LCK: variants seen among roughly 807,000 people sequenced by gnomAD.
LCK encodes tyrosine-protein kinase Lck.
LCK carries 14 observed loss-of-function variants against 64.6 expected under a neutral mutation model. The ratio of observed to expected loss-of-function variants is 0.22; its 90% CI spans 0.14 to 0.34. The LOEUF (loss-of-function observed/expected upper bound fraction) is 0.34, where lower values mean the gene tolerates loss of function less well. LCK is among the 10% of genes least tolerant of loss of function. The pLI is 1.00. For synonymous variants in LCK, 277 were observed against 263.6 expected, an observed-to-expected ratio of 1.05 and a Z score of -0.49; for missense variants, 434 against 668.1, an observed-to-expected ratio of 0.65 and a Z score of 3.86.
intron 1 of LCK, among the ~76,000 whole-genome samples, chr1:32,266,743 CCTCTT>C (rs1252050374): frequency 3.3e-5 from 1 of 30,554 alleles, no homozygotes; most frequent in African/African-American, 2.0e-4. Flanking sequence ...TCCTCCCCCT[CCTCTT>C]CCCCCTCCTC....
chr1:32,275,016 A>G lies in LCK; in HGVS notation c.211A>G (p.Ser71Gly), dbSNP rs1435317417. ...LQDNLVIALHSYEPSHDGDLG... is the reference protein window; with the variant it reads ...LQDNLVIALHGYEPSHDGDLG... ...AGACAACCTGGTTATCGCTCTGCAC[A>G]GCTATGAGCCCTCTCACGACGGAGA... Residue 71 changes from serine (S) to glycine (G), a missense_variant, in exon 4 of 13, where the codon AGC (serine) becomes GGC (glycine). By Grantham distance (56) the Ser-to-Gly change is moderately conservative. Coordinates refer to ENST00000336890, the MANE Select transcript of LCK (RefSeq NM_005356.5). This position sits in a 1 kb window ranked among gnomAD's most constrained non-coding sequence, Gnocchi z 6.9. The G allele has an allele frequency of 6.2e-7, 1 of 1,614,088 alleles. No homozygotes were observed. Among genetic ancestry groups the G allele is most frequent in the East Asian group, 2.2e-5 (1 of 44,898 alleles).
In LCK at chr1:32,265,197, A is replaced by G. The variant is rs936142576; in HGVS notation, c.-5-9128A>G. Among the ~76,000 whole-genome samples the G allele has an allele frequency of 7.9e-5, 12 of 151,932 alleles. No individual in the cohort carries two copies. In the South Asian group the frequency reaches 2.5e-3, roughly 32 times the overall value. On this transcript the variant is annotated intron_variant, in intron 1 of 12. Coordinates refer to ENST00000336890, the MANE Select transcript of LCK (RefSeq NM_005356.5). ...GACTTTGTCTCAAAAAAAAAAAAAA[A>G]TGTAATCAGCGATTTAATTAAGTAT...
rs35029770 is a variant in LCK, at chr1:32,276,710, A to G, written c.888A>G (p.Gln296=). The G allele has an allele frequency of 1.2e-3, 1,885 of 1,614,084 alleles. 18 individuals carry two copies. The African/African-American group carries it at 0.023, about 20-fold the overall frequency. Reference sequence around the variant, plus strand: ...AGGCCAACCTCATGAAGCAGCTGCAACACCAGCGGCTGGTTCGGCTCTACG... The same window carrying G: ...AGGCCAACCTCATGAAGCAGCTGCAGCACCAGCGGCTGGTTCGGCTCTACG... The part of the protein sequence containing the change: ...LAEANLMKQL[Q]HQRLVRLYAV... Residue 296 remains glutamine (Q), a synonymous_variant, in exon 9 of 13, where the codon CAA becomes CAG. Coordinates refer to ENST00000336890, the MANE Select transcript of LCK (RefSeq NM_005356.5). This position sits in a 1 kb window ranked among gnomAD's most constrained non-coding sequence, Gnocchi z 4.6.
intron 1 of LCK, 125 bp from the exon 2 acceptor site, chr1:32,274,200 G>C: frequency 1.3e-6 from 2 of 1,534,884 alleles, no homozygotes; most frequent in Admixed American, 4.0e-5. Context: ...GCTGGTGAAT[G>C]GGGATCCCAG....
chr1:32,279,935 A>C lies in LCK; in HGVS notation c.1136A>C (p.Lys379Thr). The change falls in exon 11 of 13, where the codon AAG becomes ACG. Residue 379 changes from lysine to threonine, a missense_variant. By Grantham distance (78) the Lys-to-Thr change is moderately conservative. Around this residue, in one of 2 missense-constraint regions of LCK, gnomAD observed 201 missense variants for 376.9 expected, o/e 0.53. Coordinates refer to ENST00000336890, the MANE Select transcript of LCK (RefSeq NM_005356.5). ...CTGGTGTCTGACACCCTGAGCTGCA[A>C]GATTGCAGACTTTGGCCTAGCACGC... is the stretch of plus-strand genomic sequence containing the variant. Reference protein sequence around the residue: ...NILVSDTLSCKIADFGLARLI... With the variant: ...NILVSDTLSCTIADFGLARLI... 6.2e-7 allele frequency: 1 copy of C among 1,614,196 alleles called. No individual in the cohort carries two copies. The highest frequency in any genetic ancestry group is 1.1e-5 in the South Asian group (1 of 91,084).
In LCK at chr1:32,276,365, G is replaced by A; in HGVS notation, c.660G>A (p.Leu220=). The change falls in exon 8 of 13, where the codon TTG becomes TTA. Residue 220 remains leucine (L), a synonymous_variant. Transcript: ENST00000336890. The surrounding 1 kb of genome is among the most constrained non-coding windows in gnomAD (Gnocchi z 4.6). ...TNASDGLCTR[L]SRPCQTQKPQ... The stretch of plus-strand genomic sequence containing the variant: ...CTTCAGATGGGCTGTGCACACGGTT[G>A]AGCCGCCCCTGCCAGACCCAGAAGC... The A allele has an allele frequency of 6.2e-7, 1 of 1,609,690 alleles. No homozygotes were observed. Among genetic ancestry groups the A allele is most frequent in the Non-Finnish European group, 8.5e-7 (1 of 1,178,938 alleles).
At chr1:32,278,862 T>C (rs998230284) in intron 9 of LCK, among the ~76,000 whole-genome samples, 42 of 152,154 alleles carry the variant, frequency 2.8e-4, no homozygotes, top group Non-Finnish European at 1.9e-4. Context: ...GCTGTCATCC[T>C]TTTACAGGGT....
chr1:32,272,659 G>A (rs548339027), intron 1 of LCK, among the ~76,000 whole-genome samples: 1 of 150,386 alleles, frequency 6.6e-6, no homozygotes, highest in Non-Finnish European at 1.5e-5. Flanking sequence ...GCGAGAGAGC[G>A]CACGCATTTC....
In LCK at chr1:32,275,270, G is replaced by T. The variant is rs373949317; in HGVS notation, c.279-51G>T. 5 of 1,582,002 alleles carry T rather than the reference G, an allele frequency of 3.2e-6. 1 individual carries two copies. In the Middle Eastern group the frequency reaches 5.1e-4, roughly 162 times the overall value. ...GGGGTGGAGGGGTCTTTGAGGGAGGGTCTCAGGTCGACGGCTGAGCGAGCC... is the reference window on the plus strand; with the variant it reads ...GGGGTGGAGGGGTCTTTGAGGGAGGTTCTCAGGTCGACGGCTGAGCGAGCC... On this transcript the variant is annotated intron_variant, in intron 4 of 12. Coordinates refer to ENST00000336890, the MANE Select transcript of LCK (RefSeq NM_005356.5). The surrounding 1 kb of genome is among the most constrained non-coding windows in gnomAD (Gnocchi z 6.9).
chr1:32,254,316 C>T (rs1446607018), intron 1 of LCK, among the ~76,000 whole-genome samples: 3 of 151,976 alleles, frequency 2.0e-5, no homozygotes, highest in South Asian at 2.1e-4. Flanking sequence ...GTCAGGAGTT[C>T]GAAACCAGCC....
At chr1:32,259,990 C>T (rs1272341272) in intron 1 of LCK, among the ~76,000 whole-genome samples, 1 of 151,498 alleles carries the variant, frequency 6.6e-6, no homozygotes, top group East Asian at 1.9e-4. Context: ...GGGGCAAAGG[C>T]GAAGAAAATG....
chr1:32,275,784 G>A lies in LCK; in HGVS notation c.481+112G>A, dbSNP rs912184656. The A allele has an allele frequency of 4.2e-5, 59 of 1,408,610 alleles. No individual in the cohort carries two copies. The highest frequency in any genetic ancestry group is 5.7e-5 in the African/African-American group (4 of 70,478). 87.3% of individuals were successfully genotyped at this position (1,408,610 alleles called of 1,614,324 possible). ...CGGGGTGAGTCGGAGGGGGACGCGG[G>A]ATGAGCCCGAGGTGGGGGCGCGGGA... On this transcript the variant is annotated intron_variant, in intron 6 of 12. Coordinates refer to ENST00000336890, the MANE Select transcript of LCK (RefSeq NM_005356.5). The surrounding 1 kb of genome is among the most constrained non-coding windows in gnomAD (Gnocchi z 6.9).
intron 12 of LCK, among the ~76,000 whole-genome samples, chr1:32,284,345 AAT>A (rs1372531378): frequency 6.8e-6 from 1 of 147,334 alleles, no homozygotes; most frequent in African/African-American, 2.5e-5. Context: ...TATATATAAT[AAT>A]ATATATATTA....
intron 1 of LCK, among the ~76,000 whole-genome samples, chr1:32,258,973 A>G (rs969188959): frequency 2.0e-5 from 3 of 151,514 alleles, no homozygotes; most frequent in Non-Finnish European, 4.4e-5. Context: ...GCAGTGAGCC[A>G]TGATTGTGTC....
At chr1:32,272,227 GA>G (rs36045049) in intron 1 of LCK, among the ~76,000 whole-genome samples, 78,908 of 146,376 alleles carry the variant, frequency 0.54, 24,421 homozygotes, top group African/African-American at 0.85. Context: ...GAGGTTGCAG[GA>G]AAAAAAAAAA....
At chr1:32,265,943 A>G (rs1639896522) in intron 1 of LCK, among the ~76,000 whole-genome samples, 4 of 152,142 alleles carry the variant, frequency 2.6e-5, no homozygotes, top group Admixed American at 2.6e-4. Flanking sequence ...GATTACAGAC[A>G]TGAGCTACAG....
chr1:32,278,661 T>C (rs1181727959), intron 9 of LCK, among the ~76,000 whole-genome samples: 2 of 152,182 alleles, frequency 1.3e-5, no homozygotes, highest in Non-Finnish European at 2.9e-5. Flanking sequence ...CGACTTTGAT[T>C]GGTAGTTGCT....
intron 1 of LCK, among the ~76,000 whole-genome samples, chr1:32,271,485 C>T (rs535973989): frequency 2.6e-5 from 4 of 152,092 alleles, no homozygotes; most frequent in South Asian, 2.1e-4. Context: ...GAGACCAGTC[C>T]GGGCAACATA....
chr1:32,259,669 G>T (rs929735668), intron 1 of LCK, among the ~76,000 whole-genome samples: 2 of 151,598 alleles, frequency 1.3e-5, no homozygotes, highest in Non-Finnish European at 2.9e-5. Context: ...TAATAGCCAG[G>T]CGTGGTGGCA....
Sources: allele counts gnomAD v4.1 joint callset (sites outside exome capture counted in the v4.1 genomes callset), GRCh38; gene constraint gnomAD v4.1.1; regional missense constraint gnomAD v4.1.1; non-coding constraint Gnocchi (gnomAD v3.1); transcripts MANE v1.5; gene names NCBI Gene and HGNC (gene_info 2026-07-23, HGNC 2026-07-21).